The following BCS1L variants were observed in gnomAD, a reference collection of about 807,000 sequenced individuals.
The protein encoded by BCS1L is mitochondrial chaperone BCS1.
A neutral mutation model predicts 49.3 loss-of-function variants in BCS1L; 38 were observed. The ratio of observed to expected loss-of-function variants is 0.77; its 90% CI spans 0.59 to 1.01. BCS1L has a LOEUF of 1.01. Ranked by LOEUF, BCS1L falls within the 50% of genes least tolerant of loss-of-function variation. The probability of loss-of-function intolerance (pLI) is 0.00; values close to 1 mark genes in which losing one functional copy is unlikely to be tolerated. For missense variants in BCS1L, 394 were observed against 540.2 expected (o/e 0.73, Z 2.68); for synonymous variants, 193 against 210.1 (o/e 0.92, Z 0.70).
At chr2:218,659,317 C>G (rs1939020317), upstream of BCS1L, 1 of 153,044 alleles carries the variant, frequency 6.5e-6, no homozygotes, top group Admixed American at 6.5e-5. This position sits in a 1 kb window ranked among gnomAD's most constrained non-coding sequence, Gnocchi z 4.4. Context: ...TTGCCTCCAG[C>G]TCGCTCCACC....
At position 218,663,385 on chromosome 2, in the gene BCS1L, G is replaced by C. The variant is rs375043587; in HGVS notation, c.1259G>C (p.Ter420SerextTer14). 1 of 1,614,026 alleles carries C rather than the reference G, an allele frequency of 6.2e-7. No individual in the cohort carries two copies. Among genetic ancestry groups the C allele is most frequent in the Non-Finnish European group, 8.5e-7 (1 of 1,180,030 alleles). The part of the protein sequence containing the change: ...AIHNAESLRR[*>S] The stretch of plus-strand genomic sequence containing the variant: ...CACAATGCTGAGTCTCTGAGGAGGT[G>C]ATCAGGCTGGGCTCAGCTCAGCTCT... Residue 420 changes from the stop codon to serine, a stop_lost, in exon 8 of 8, where the codon TGA becomes TCA. Transcript: ENST00000359273.
In BCS1L at chr2:218,662,788, C is replaced by G; in HGVS notation, c.890-95C>G. 1 of 1,588,528 alleles carries G rather than the reference C, an allele frequency of 6.3e-7. No individual in the cohort carries two copies. Among genetic ancestry groups the G allele is most frequent in the Non-Finnish European group, 8.6e-7 (1 of 1,157,312 alleles). On this transcript the variant is annotated intron_variant, in intron 6 of 7. Transcript: ENST00000359273. The surrounding 1 kb of genome is among the most constrained non-coding windows in gnomAD (Gnocchi z 5.8). ...TGCCTGGGTTAGTGACAAGAGCCCA[C>G]AAGACACATGGATAAGTAGGGGAAC...
In BCS1L at chr2:218,662,664, G is replaced by C. The variant is rs750976781; in HGVS notation, c.874G>C (p.Asp292His). 6.2e-7 allele frequency: 1 copy of C among 1,614,152 alleles called. No individual in the cohort carries two copies. The highest frequency in any genetic ancestry group is 2.2e-5 in the East Asian group (1 of 44,884). ...EDVDAAFLSRDLAVENPVKYQ... is the reference protein window; with the variant it reads ...EDVDAAFLSRHLAVENPVKYQ... Reference sequence around the variant, plus strand: ...TGTGGATGCTGCTTTTCTCAGTCGAGACTTGGCTGTGGAGAGTAAGTGAGG... The same window carrying C: ...TGTGGATGCTGCTTTTCTCAGTCGACACTTGGCTGTGGAGAGTAAGTGAGG... The change falls in exon 6 of 8, where the codon GAC becomes CAC. Residue 292 changes from aspartate to histidine, a missense_variant. Coordinates refer to ENST00000359273, the MANE Select transcript of BCS1L (RefSeq NM_001079866.2). This position sits in a 1 kb window ranked among gnomAD's most constrained non-coding sequence, Gnocchi z 5.8.
Position 218,662,488 on chromosome 2 carries a change from C to T in BCS1L, c.720-22C>T, listed in dbSNP as rs764932061. 5 of 1,613,206 alleles carry T rather than the reference C, an allele frequency of 3.1e-6. No homozygotes were observed. In the African/African-American group the frequency reaches 5.3e-5, roughly 17 times the overall value. On this transcript the variant is annotated intron_variant, in intron 5 of 7. Transcript: ENST00000359273. The surrounding 1 kb of genome is among the most constrained non-coding windows in gnomAD (Gnocchi z 5.8). The stretch of plus-strand genomic sequence containing the variant: ...AGCATTTCCAGGTTGCCTGCTACCT[C>T]CTGCCATCCCATGCTCCATAGCACA...
rs777159256 is a variant in BCS1L, at chr2:218,661,194, C to G, written c.207C>G (p.Arg69=). Residue 69 remains arginine (R), a synonymous_variant, in exon 2 of 8, where the codon CGC becomes CGG. Transcript: ENST00000359273. The surrounding 1 kb of genome is among the most constrained non-coding windows in gnomAD (Gnocchi z 5.9). The part of the protein sequence containing the change: ...SYAWLLSWLT[R]HSTRTQHLSV... Reference sequence around the variant, plus strand: ...CCTGGTTGCTTAGCTGGCTCACCCGCCACAGTACCCGTACTCAGCACCTCA... The same window carrying G: ...CCTGGTTGCTTAGCTGGCTCACCCGGCACAGTACCCGTACTCAGCACCTCA... 1 of 1,614,224 alleles carries G rather than the reference C, an allele frequency of 6.2e-7. No individual in the cohort carries two copies. Among genetic ancestry groups the G allele is most frequent in the South Asian group, 1.1e-5 (1 of 91,080 alleles).
rs771455771 is a variant in BCS1L at position 218,663,297 on chromosome 2, A to G, written c.1171A>G (p.Ile391Val). The G allele has an allele frequency of 6.2e-7, 1 of 1,614,228 alleles. No homozygotes were observed. The highest frequency in any genetic ancestry group is 1.1e-5 in the South Asian group (1 of 91,090). Residue 391 changes from isoleucine to valine, a missense_variant, in exon 8 of 8, where the codon ATC (isoleucine) becomes GTC (valine). Physicochemically the swap from Ile to Val is conservative, Grantham distance 29 (BLOSUM62 3). Coordinates refer to ENST00000359273, the MANE Select transcript of BCS1L (RefSeq NM_001079866.2). Reference protein sequence around the residue: ...AEHVLRATNQISPAQVQGYFM... With the variant: ...AEHVLRATNQVSPAQVQGYFM... The stretch of plus-strand genomic sequence containing the variant: ...ACATGTCCTTCGAGCTACAAACCAG[A>G]TCAGTCCTGCCCAGGTGCAGGGCTA...
rs1194556415 is a variant in BCS1L, at chr2:218,661,824, T to C, written c.526T>C (p.Trp176Arg). ...TVMYTAVGSE[W>R]RPFGYPRRRR... ...GATGTACACAGCTGTGGGCTCTGAA[T>C]GGCGTCCCTTTGGCTATCCACGCCG... The change falls in exon 4 of 8, where the codon TGG (tryptophan) becomes CGG (arginine). Residue 176 changes from tryptophan to arginine, a missense_variant. By Grantham distance (101) the Trp-to-Arg change is moderately radical. Coordinates refer to ENST00000359273, the MANE Select transcript of BCS1L (RefSeq NM_001079866.2). This position sits in a 1 kb window ranked among gnomAD's most constrained non-coding sequence, Gnocchi z 5.9. 2 of 1,614,096 alleles carry C rather than the reference T, an allele frequency of 1.2e-6. No homozygotes were observed. The highest frequency in any genetic ancestry group is 1.3e-5 in the African/African-American group (1 of 74,942).
chr2:218,663,089 C>T (rs771920503), intron 7 of BCS1L, 45 bp from the exon 8 acceptor site: 2 of 1,614,190 alleles, frequency 1.2e-6, no homozygotes, highest in Non-Finnish European at 1.7e-6. Context: ...GAGGGGCCAT[C>T]TCTGTTGGGT....
At chr2:218,659,077 G>C (rs767627107), upstream of BCS1L, 6 of 152,270 alleles carry the variant, frequency 3.9e-5, no homozygotes, top group Non-Finnish European at 7.3e-5. The surrounding 1 kb of genome is among the most constrained non-coding windows in gnomAD (Gnocchi z 4.4). Context: ...TCGTCGGGCA[G>C]GAGCTGGATC....
At position 218,661,724 on chromosome 2, in the gene BCS1L, GAAT is replaced by G; in HGVS notation, c.461-34_461-32del. ...ATTGAAGAATCAGCCATGGTGAAGAGAATTATTGGCTTTATCTCATCTTCTCCT... is the reference window on the plus strand; with the variant it reads ...ATTGAAGAATCAGCCATGGTGAAGAGTATTGGCTTTATCTCATCTTCTCCT... On this transcript the variant is annotated intron_variant, in intron 3 of 7. Coordinates refer to ENST00000359273, the MANE Select transcript of BCS1L (RefSeq NM_001079866.2). This position sits in a 1 kb window ranked among gnomAD's most constrained non-coding sequence, Gnocchi z 5.9. The G allele has an allele frequency of 6.2e-7, 1 of 1,604,540 alleles. No homozygotes were observed. The highest frequency in any genetic ancestry group is 8.5e-7 in the Non-Finnish European group (1 of 1,174,288).
chr2:218,661,490 C>T lies in BCS1L; in HGVS notation c.405C>T (p.Val135=). The T allele has an allele frequency of 6.2e-7, 1 of 1,614,202 alleles. No homozygotes were observed. Among genetic ancestry groups the T allele is most frequent in the Non-Finnish European group, 8.5e-7 (1 of 1,180,048 alleles). The part of the protein sequence containing the change: ...DLQTGTPWES[V]TFTALGTDRK... ...AGACGGGGACTCCTTGGGAATCTGT[C>T]ACCTTCACGGCCCTGGGCACTGACC... is the stretch of plus-strand genomic sequence containing the variant. The change falls in exon 3 of 8, where the codon GTC becomes GTT. Residue 135 remains valine (V), a synonymous_variant. Transcript: ENST00000359273. The surrounding 1 kb of genome is among the most constrained non-coding windows in gnomAD (Gnocchi z 5.9).
Position 218,662,733 on chromosome 2 carries a change from A to C in BCS1L, c.889+54A>C. The C allele has an allele frequency of 6.2e-7, 1 of 1,613,294 alleles. No homozygotes were observed. The highest frequency in any genetic ancestry group is 8.5e-7 in the Non-Finnish European group (1 of 1,179,528). ...GTGGGTAACTGTGGAACAGGGGAAG[A>C]AAGCAGAAATCCAGAGGGCTGGTGG... On this transcript the variant is annotated intron_variant, in intron 6 of 7. Coordinates refer to ENST00000359273, the MANE Select transcript of BCS1L (RefSeq NM_001079866.2). The surrounding 1 kb of genome is among the most constrained non-coding windows in gnomAD (Gnocchi z 5.8).
chr2:218,662,894 TA>T lies in BCS1L; in HGVS notation c.902del (p.Tyr301SerfsTer4). 1 of 1,614,094 alleles carries T rather than the reference TA, an allele frequency of 6.2e-7. No individual in the cohort carries two copies. ...TTGCCTTCCTCCAGACCCAGTAAAG[TA>T]CCAAGGCCTAGGTCGCCTCACCTTC... ...RDLAVENPVK[Y>X]QGLGRLTFSG... On this transcript the variant is annotated frameshift_variant, in exon 7 of 8. Transcript: ENST00000359273. LOFTEE classifies it high-confidence loss of function. This position sits in a 1 kb window ranked among gnomAD's most constrained non-coding sequence, Gnocchi z 5.8.
intron 1 of BCS1L, chr2:218,660,424 G>GTAA: frequency 6.4e-6 from 1 of 156,194 alleles, no homozygotes; most frequent in Non-Finnish European, 1.4e-5. Context: ...AGCAGGAGGT[G>GTAA]AAGACCTATT....
intron 1 of BCS1L, 130 bp from the exon 2 acceptor site, chr2:218,660,808 AT>A (rs1162083861): frequency 1.2e-5 from 8 of 649,304 alleles, no homozygotes; most frequent in Non-Finnish European, 2.1e-5. Flanking sequence ...CCACCCTTGC[AT>A]TCCAATACCA....
At position 218,662,515 on chromosome 2, in the gene BCS1L, C is replaced by T; in HGVS notation, c.725C>T (p.Ala242Val). The T allele has an allele frequency of 1.9e-6, 3 of 1,613,834 alleles. No individual in the cohort carries two copies. Among genetic ancestry groups the T allele is most frequent in the Non-Finnish European group, 2.5e-6 (3 of 1,180,040 alleles). The change falls in exon 6 of 8, where the codon GCC becomes GTC. Residue 242 changes from alanine to valine, a missense_variant. Ala to Val is a moderately conservative substitution (Grantham distance 64). Coordinates refer to ENST00000359273, the MANE Select transcript of BCS1L (RefSeq NM_001079866.2). The surrounding 1 kb of genome is among the most constrained non-coding windows in gnomAD (Gnocchi z 5.8). ...PGCGKSSFITALAGELEHSIC... is the reference protein window; with the variant it reads ...PGCGKSSFITVLAGELEHSIC... ...TGCCATCCCATGCTCCATAGCACAG[C>T]CCTGGCTGGGGAACTGGAGCACAGC...
At chr2:218,663,039 C>T (rs1939658638) in intron 7 of BCS1L, 39 bp downstream of exon 7, 1 of 1,613,630 alleles carries the variant, frequency 6.2e-7, no homozygotes, top group African/African-American at 1.3e-5. Flanking sequence ...TAGGCAAGAG[C>T]CCACCTCCTC....
At position 218,661,646 on chromosome 2, in the gene BCS1L, G is replaced by A; in HGVS notation, c.460+101G>A. The A allele has an allele frequency of 6.3e-7, 1 of 1,580,700 alleles. No homozygotes were observed. Among genetic ancestry groups the A allele is most frequent in the Non-Finnish European group, 8.6e-7 (1 of 1,162,504 alleles). On this transcript the variant is annotated intron_variant, in intron 3 of 7. Coordinates refer to ENST00000359273, the MANE Select transcript of BCS1L (RefSeq NM_001079866.2). This position sits in a 1 kb window ranked among gnomAD's most constrained non-coding sequence, Gnocchi z 5.9. ...AGAAGTGGAATAAGCAGGCCGGGGT[G>A]AGCCCATGGGAACAGGGGGCCAGAA... is the stretch of plus-strand genomic sequence containing the variant.
chr2:218,660,680 G>T, intron 1 of BCS1L: 1 of 362,616 alleles, frequency 2.8e-6, no homozygotes, highest in South Asian at 3.2e-5. Context: ...TTACCCTGAT[G>T]TGAAGCCTGT....
Sources: allele counts gnomAD v4.1 joint callset, GRCh38; gene constraint gnomAD v4.1.1; non-coding constraint Gnocchi (gnomAD v3.1); transcripts MANE v1.5; gene names NCBI Gene and HGNC (gene_info 2026-07-23, HGNC 2026-07-21).